NBEA: variants seen among roughly 807,000 people sequenced by gnomAD.
The protein encoded by NBEA is lysosomal-trafficking regulator 2.
In NBEA, 44 loss-of-function variants were observed where a neutral mutation model predicts 343.4. The ratio of observed to expected loss-of-function variants is 0.13; its 90% confidence interval spans 0.10 to 0.16. NBEA has a LOEUF of 0.16. Ranked by LOEUF, NBEA falls within the 10% of genes least tolerant of loss-of-function variation. NBEA has a pLI of 1.00. For synonymous variants in NBEA, 1,175 were observed against 1,238.7 expected, an observed-to-expected ratio of 0.95 and a Z score of 1.08; for missense variants, 2,555 against 3,631.3, an observed-to-expected ratio of 0.70 and a Z score of 7.62.
At chr13:35,158,184 T>C (rs2069308613) in intron 21 of NBEA, among the ~76,000 whole-genome samples, 1 of 152,124 alleles carries the variant, frequency 6.6e-6, no homozygotes, top group Non-Finnish European at 1.5e-5. Context: ...GCTTTCTTCT[T>C]CTGTAAAATT....
intron 1 of NBEA, among the ~76,000 whole-genome samples, chr13:35,016,826 T>G (rs964412976): frequency 1.3e-5 from 2 of 152,122 alleles, no homozygotes; most frequent in African/African-American, 2.4e-5. Flanking sequence ...AAGAGCCAGT[T>G]AAGAGCATGT....
intron 38 of NBEA, among the ~76,000 whole-genome samples, chr13:35,365,054 C>T (rs891188501): frequency 6.6e-6 from 1 of 151,636 alleles, no homozygotes; most frequent in Non-Finnish European, 1.5e-5. Context: ...GGGTCAGCAC[C>T]AAAAATGTCT....
chr13:35,380,377 C>T (rs1401998942), intron 38 of NBEA, among the ~76,000 whole-genome samples: 4 of 151,788 alleles, frequency 2.6e-5, no homozygotes, highest in African/African-American at 4.8e-5. Context: ...CTTGGGAGGC[C>T]GAGGCTGCAG....
At chr13:35,211,321 G>A (rs2073755142) in intron 33 of NBEA, 142 bp downstream of exon 33, 1 of 768,008 alleles carries the variant, frequency 1.3e-6, no homozygotes, top group Admixed American at 3.0e-5. Context: ...GATATTTTTG[G>A]CTAGTTATTA....
intron 41 of NBEA, among the ~76,000 whole-genome samples, chr13:35,486,912 T>G (rs2076323144): frequency 6.6e-6 from 1 of 152,014 alleles, no homozygotes; most frequent in South Asian, 2.1e-4. Flanking sequence ...GATAACCACT[T>G]CATTGTAAAA....
At chr13:35,503,489 T>C (rs1329638507) in intron 41 of NBEA, among the ~76,000 whole-genome samples, 1 of 151,950 alleles carries the variant, frequency 6.6e-6, no homozygotes, top group Non-Finnish European at 1.5e-5. Context: ...TAACAGTTCA[T>C]TGTATGAATA....
intron 21 of NBEA, among the ~76,000 whole-genome samples, chr13:35,157,828 G>A (rs1309176332): frequency 1.3e-5 from 2 of 151,966 alleles, no homozygotes; most frequent in Admixed American, 6.6e-5. Context: ...TCAGAGTTAT[G>A]GGTTTCTCAT....
intron 36 of NBEA, 45 bp from the exon 37 acceptor site, chr13:35,349,063 C>A (rs889108865): frequency 5.4e-6 from 6 of 1,117,770 alleles, no homozygotes; most frequent in South Asian, 4.5e-5. Flanking sequence ...TTGGACTGAC[C>A]AAAGCTATTA....
chr13:35,308,472 ATG>A lies in NBEA; in HGVS notation c.5839-1054_5839-1053del, dbSNP rs1229987422. Among the ~76,000 whole-genome samples, 415 of 98,390 alleles carry A rather than the reference ATG, an allele frequency of 4.2e-3. 11 individuals carry two copies. Among genetic ancestry groups the A allele is most frequent in the African/African-American group, 0.015 (355 of 23,358 alleles). The allele number at this position is 98,390 out of a possible 152,430, so 64.5% of individuals were successfully genotyped here. A position where few individuals can be genotyped will look rare whatever the true frequency, so the allele number is the denominator to read the frequency against. On this transcript the variant is annotated intron_variant, in intron 35 of 58. Transcript: ENST00000379939. ...TATATATATATATATATATATATAT[ATG>A]TATATATATATGTGTATATATATGT...
intron 10 of NBEA, among the ~76,000 whole-genome samples, chr13:35,092,990 T>C (rs2065162767): frequency 6.6e-6 from 1 of 152,050 alleles, no homozygotes; most frequent in Non-Finnish European, 1.5e-5. Context: ...CATCCATTAA[T>C]ACTCATCAAC....
intron 34 of NBEA, among the ~76,000 whole-genome samples, chr13:35,234,072 T>TA (rs1463980056): frequency 6.6e-6 from 1 of 152,142 alleles, no homozygotes; most frequent in Non-Finnish European, 1.5e-5. Context: ...TGGTATGATC[T>TA]ACCAACAGCA....
At chr13:35,114,860 T>A (rs1180133267) in intron 13 of NBEA, among the ~76,000 whole-genome samples, 1 of 152,198 alleles carries the variant, frequency 6.6e-6, no homozygotes, top group African/African-American at 2.4e-5. Context: ...AAGTATATAC[T>A]TTTCTAAATG....
At chr13:35,365,362 C>T (rs1455009642) in intron 38 of NBEA, among the ~76,000 whole-genome samples, 1 of 151,472 alleles carries the variant, frequency 6.6e-6, no homozygotes, top group East Asian at 1.9e-4. Context: ...TTTTGGATTC[C>T]CTACATTAAT....
chr13:35,243,450 C>T (rs897540960), intron 34 of NBEA, among the ~76,000 whole-genome samples: 1 of 151,790 alleles, frequency 6.6e-6, no homozygotes, highest in African/African-American at 2.4e-5. Context: ...AAAAACTCCT[C>T]AATCAAAAGA....
intron 41 of NBEA, among the ~76,000 whole-genome samples, chr13:35,542,655 G>T (rs1181685030): frequency 6.6e-6 from 1 of 151,892 alleles, no homozygotes; most frequent in Non-Finnish European, 1.5e-5. Context: ...ATTTTATAAA[G>T]CTCTATACCA....
intron 40 of NBEA, among the ~76,000 whole-genome samples, chr13:35,463,416 A>T (rs1261047982): frequency 6.6e-6 from 1 of 152,106 alleles, no homozygotes; most frequent in Non-Finnish European, 1.5e-5. Flanking sequence ...TAAGCTCAGG[A>T]GTTCGAGATC....
intron 35 of NBEA, among the ~76,000 whole-genome samples, chr13:35,299,851 T>G (rs1404214964): frequency 6.6e-6 from 1 of 152,196 alleles, no homozygotes; most frequent in Non-Finnish European, 1.5e-5. Flanking sequence ...ATTATTCTTA[T>G]CCCTTTGCAT....
chr13:35,347,217 G>A (rs1436775809), intron 36 of NBEA, among the ~76,000 whole-genome samples: 3 of 152,010 alleles, frequency 2.0e-5, no homozygotes, highest in African/African-American at 7.2e-5. Context: ...GAAGAATATA[G>A]GAGGAATTAC....
chr13:35,199,350 CTT>C (rs1360421091), intron 31 of NBEA, among the ~76,000 whole-genome samples: 1 of 152,044 alleles, frequency 6.6e-6, no homozygotes, highest in Non-Finnish European at 1.5e-5. Context: ...GGATGACAGG[CTT>C]TAGAATGAAA....
Sources: allele counts gnomAD v4.1 joint callset (sites outside exome capture counted in the v4.1 genomes callset), GRCh38; gene constraint gnomAD v4.1.1; transcripts MANE v1.5; gene names NCBI Gene and HGNC (gene_info 2026-07-23, HGNC 2026-07-21).